Variants in CATSPER3 observed in about 807,000 individuals in gnomAD.
The protein encoded by CATSPER3 is cation channel sperm associated 3.
In CATSPER3, 23 loss-of-function variants were observed where a neutral mutation model predicts 36.6. That is an observed-to-expected ratio of 0.63 (90% confidence interval 0.45 to 0.89). CATSPER3 has a LOEUF of 0.89. Ranked by LOEUF, CATSPER3 falls within the 40% of genes least tolerant of loss-of-function variation. CATSPER3 has a pLI of 0.00. For synonymous variants in CATSPER3, 172 were observed against 184.1 expected, an observed-to-expected ratio of 0.93 and a Z score of 0.53; for missense variants, 474 against 503.9, an observed-to-expected ratio of 0.94 and a Z score of 0.57.
At chr5:134,972,644 GA>G (rs374598228) in intron 2 of CATSPER3, among the ~76,000 whole-genome samples, 11 of 151,304 alleles carry the variant, frequency 7.3e-5, no homozygotes, top group East Asian at 1.9e-4. Flanking sequence ...CGAAGATGGG[GA>G]AAAAAAAATC....
Position 135,010,499 on chromosome 5 carries a change from AC to A in CATSPER3, c.1064del (p.Thr355IlefsTer23). The A allele has an allele frequency of 6.2e-7, 1 of 1,613,674 alleles. No homozygotes were observed. The highest frequency in any genetic ancestry group is 8.5e-7 in the Non-Finnish European group (1 of 1,179,860). ...ACCCTTCATCGATATCTACTTTTCC[AC>A]TCTGGACTACCAGGACACAACTGTC... ...SLPFIDIYFS[T>X]LDYQDTTVHK... On this transcript the variant is annotated frameshift_variant, in exon 7 of 8. Transcript: ENST00000282611. LOFTEE classifies it low-confidence loss of function (END_TRUNC).
At chr5:134,985,745 T>TA (rs879499616) in intron 2 of CATSPER3, among the ~76,000 whole-genome samples, 2,807 of 142,102 alleles carry the variant, frequency 0.02, 47 homozygotes, top group Non-Finnish European at 0.032. Flanking sequence ...CCCCATCTAT[T>TA]AAAAAAAAAA....
intron 3 of CATSPER3, among the ~76,000 whole-genome samples, chr5:135,006,238 T>C (rs1309058632): frequency 6.6e-6 from 1 of 152,158 alleles, no homozygotes; most frequent in Non-Finnish European, 1.5e-5. Context: ...CTGTCATGGG[T>C]CCTTTATGGG....
At chr5:134,984,547 T>C (rs1483148918) in intron 2 of CATSPER3, among the ~76,000 whole-genome samples, 2 of 152,074 alleles carry the variant, frequency 1.3e-5, no homozygotes, top group Admixed American at 6.5e-5. Flanking sequence ...AGCATGGAAA[T>C]GTAAATTAAA....
intron 2 of CATSPER3, among the ~76,000 whole-genome samples, chr5:134,974,587 A>G (rs1219611732): frequency 1.3e-5 from 2 of 152,148 alleles, no homozygotes; most frequent in Admixed American, 6.5e-5. Context: ...ATGTGGTTCT[A>G]TATGTGTGTT....
At chr5:135,008,410 T>C (rs571170724) in intron 4 of CATSPER3, among the ~76,000 whole-genome samples, 1 of 152,162 alleles carries the variant, frequency 6.6e-6, no homozygotes, top group Non-Finnish European at 1.5e-5. Flanking sequence ...GATAATTCAT[T>C]TGGATTAAGT....
chr5:134,968,605 C>T (rs1201143015), intron 1 of CATSPER3: 2 of 157,094 alleles, frequency 1.3e-5, no homozygotes, highest in Non-Finnish European at 2.8e-5. Context: ...GCAGGAGAAT[C>T]CCTTTAACCT....
intron 3 of CATSPER3, among the ~76,000 whole-genome samples, chr5:135,004,412 C>T (rs766604225): frequency 2.6e-5 from 4 of 152,194 alleles, no homozygotes; most frequent in Admixed American, 6.5e-5. Flanking sequence ...ACAGACAGAC[C>T]TTGCAGTGTG....
chr5:134,987,127 T>A (rs989087501), intron 2 of CATSPER3, among the ~76,000 whole-genome samples: 14 of 152,158 alleles, frequency 9.2e-5, no homozygotes, highest in African/African-American at 3.4e-4. Flanking sequence ...CTAGATTGAC[T>A]AAGAAAATAA....
intron 2 of CATSPER3, among the ~76,000 whole-genome samples, chr5:134,975,713 A>G (rs1173537779): frequency 6.6e-6 from 1 of 152,250 alleles, no homozygotes. Flanking sequence ...TATGGACAAC[A>G]TTATGGAGGT....
At position 135,007,989 on chromosome 5, in the gene CATSPER3, C is replaced by T; in HGVS notation, c.525C>T (p.Tyr175=). The T allele has an allele frequency of 6.2e-7, 1 of 1,614,190 alleles. No individual in the cohort carries two copies. The part of the protein sequence containing the change: ...TLITAVGQTV[Y]TVASVLLLLF... ...TCACCGCCGTGGGGCAGACAGTCTA[C>T]ACCGTGGCCTCTGTGCTCCTCCTGC... is the stretch of plus-strand genomic sequence containing the variant. The change falls in exon 4 of 8, where the codon TAC becomes TAT. Residue 175 remains tyrosine (Y), a synonymous_variant. Transcript: ENST00000282611.
At chr5:134,989,379 CT>C (rs1751852469) in intron 2 of CATSPER3, among the ~76,000 whole-genome samples, 1 of 152,178 alleles carries the variant, frequency 6.6e-6, no homozygotes, top group Non-Finnish European at 1.5e-5. Context: ...TCCTAGATGG[CT>C]TCTTCTTCAG....
At chr5:135,010,195 C>T (rs1295491359) in intron 6 of CATSPER3, among the ~76,000 whole-genome samples, 178 bp from the exon 7 acceptor site, 1 of 152,174 alleles carries the variant, frequency 6.6e-6, no homozygotes, top group Admixed American at 6.5e-5. Flanking sequence ...TGGTGGCCGC[C>T]TCACCCCGGA....
At chr5:134,976,045 C>G (rs1193333836) in intron 2 of CATSPER3, among the ~76,000 whole-genome samples, 1 of 152,188 alleles carries the variant, frequency 6.6e-6, no homozygotes, top group East Asian at 1.9e-4. Context: ...ACTACATGAT[C>G]TCACTCATGT....
chr5:134,996,548 C>T (rs1751952357), intron 3 of CATSPER3, 36 bp downstream of exon 3: 3 of 1,610,078 alleles, frequency 1.9e-6, no homozygotes, highest in Non-Finnish European at 1.7e-6. Flanking sequence ...GCTGGGAGGG[C>T]AGGCCGTAGG....
At chr5:134,976,557 C>T (rs1751677487) in intron 2 of CATSPER3, among the ~76,000 whole-genome samples, 1 of 152,206 alleles carries the variant, frequency 6.6e-6, no homozygotes, top group Non-Finnish European at 1.5e-5. Flanking sequence ...AGGATGTAAG[C>T]TGCTCATGGC....
In CATSPER3 at chr5:134,996,309, G is replaced by A. The variant is rs758083174; in HGVS notation, c.289G>A (p.Glu97Lys). 6.2e-7 allele frequency: 1 copy of A among 1,614,244 alleles called. No individual in the cohort carries two copies. The highest frequency in any genetic ancestry group is 8.5e-7 in the Non-Finnish European group (1 of 1,180,036). ...CTTCTTTGTGTCCATCTGCACATCT[G>A]AGTTGTCCATGAAGGTCTATGTGGA... ...EIFFVSICTS[E>K]LSMKVYVDPI... is the part of the protein sequence containing the mutation. The change falls in exon 3 of 8, where the codon GAG becomes AAG. Residue 97 changes from glutamate to lysine, a missense_variant. Transcript: ENST00000282611.
intron 2 of CATSPER3, among the ~76,000 whole-genome samples, chr5:134,972,706 G>A (rs953492561): frequency 1.3e-5 from 2 of 152,038 alleles, no homozygotes; most frequent in African/African-American, 4.8e-5. Context: ...CAGACACAAA[G>A]CAAAGGAACA....
intron 3 of CATSPER3, 63 bp from the exon 4 acceptor site, chr5:135,007,894 C>T: frequency 1.5e-6 from 2 of 1,314,278 alleles, no homozygotes; most frequent in South Asian, 1.2e-5. Flanking sequence ...GAATGGACCT[C>T]TGTCCCTGGA....
Sources: gnomAD v4.1 joint callset for allele counts (sites outside exome capture counted in the v4.1 genomes callset) on GRCh38, gnomAD v4.1.1 for gene constraint, MANE v1.5 for transcripts, NCBI Gene and HGNC (gene_info 2026-07-23, HGNC 2026-07-21) for gene names.